KANK4: variants seen among roughly 807,000 people sequenced by gnomAD.
The protein encoded by KANK4 is KN motif and ankyrin repeat domains 4, also known as KN motif and ankyrin repeat domain-containing protein 4.
KANK4 carries 50 observed loss-of-function variants against 80.8 expected under a neutral mutation model. The observed-to-expected ratio is 0.62, with a 90% CI of 0.49 to 0.78. KANK4 has a LOEUF of 0.78. KANK4 is among the 30% of genes least tolerant of loss of function. The pLI is 0.00. For synonymous variants in KANK4, 465 were observed against 506.9 expected, an observed-to-expected ratio of 0.92 and a Z score of 1.11; for missense variants, 1,196 against 1,240.1, an observed-to-expected ratio of 0.96 and a Z score of 0.53.
At chr1:62,312,422 C>G (rs1212633165) in intron 1 of KANK4, among the ~76,000 whole-genome samples, 1 of 152,158 alleles carries the variant, frequency 6.6e-6, no homozygotes, top group Non-Finnish European at 1.5e-5. Context: ...TTTACAGACT[C>G]CTCTGAATTC....
chr1:62,259,972 C>T (rs115135949), intron 7 of KANK4, among the ~76,000 whole-genome samples: 5,811 of 152,098 alleles, frequency 0.038, 134 homozygotes, highest in Middle Eastern at 0.058. Context: ...TTCGCTCAGC[C>T]TCATCATGCA....
chr1:62,274,423 C>T lies in KANK4; in HGVS notation c.681G>A (p.Leu227=), dbSNP rs1672254920. 1 of 1,614,120 alleles carries T rather than the reference C, an allele frequency of 6.2e-7. No homozygotes were observed. The highest frequency in any genetic ancestry group is 8.5e-7 in the Non-Finnish European group (1 of 1,180,052). The stretch of plus-strand genomic sequence containing the variant: ...CTGGAGGCTCAGCTCCCTCCTGGAC[C>T]AGCTCTGGAATCCGAGTTGATGCTC... The part of the protein sequence containing the change: ...SPRASTRIPE[L]VQEGAEPPEG... Residue 227 remains leucine, a synonymous_variant, in exon 3 of 10, where the codon CTG becomes CTA. Coordinates refer to ENST00000371153, the MANE Select transcript of KANK4 (RefSeq NM_181712.5).
At chr1:62,283,454 T>C (rs1354029497) in intron 1 of KANK4, among the ~76,000 whole-genome samples, 1 of 152,162 alleles carries the variant, frequency 6.6e-6, no homozygotes, top group Non-Finnish European at 1.5e-5. Context: ...TGCCCTCAAG[T>C]CTAGCCGACT....
At chr1:62,254,642 C>A (rs1671707685) in intron 7 of KANK4, among the ~76,000 whole-genome samples, 1 of 152,032 alleles carries the variant, frequency 6.6e-6, no homozygotes, top group African/African-American at 2.4e-5. Context: ...CAACCTCCGC[C>A]TCCTGGGTTC....
At chr1:62,295,307 A>G (rs1644354049) in intron 1 of KANK4, among the ~76,000 whole-genome samples, 1 of 152,116 alleles carries the variant, frequency 6.6e-6, no homozygotes, top group African/African-American at 2.4e-5. Context: ...AAGCCCGGCT[A>G]ATTTTTTTGT....
intron 5 of KANK4, 94 bp from the exon 6 acceptor site, chr1:62,266,913 G>T: frequency 1.2e-6 from 1 of 824,096 alleles, no homozygotes; most frequent in Non-Finnish European, 1.9e-6. Flanking sequence ...CATCTCAGCA[G>T]CTCAAAAATC....
rs890016096 is a variant in KANK4, at chr1:62,274,766, C to T, written c.338G>A (p.Gly113Asp). 2.5e-6 allele frequency: 4 copies of T among 1,614,144 alleles called. No homozygotes were observed. The South Asian group carries it at 4.4e-5, about 18-fold the overall frequency. ...TQEQNQSPPL[G>D]NAPQASTSRS... ...GCTTGTTGAGGCCTGGGGGGCATTA[C>T]CAAGCGGTGGTGACTGGTTTTGCTC... Residue 113 changes from glycine (G) to aspartate (D), a missense_variant, in exon 3 of 10, where the codon GGT becomes GAT. Around this residue, in one of 3 missense-constraint regions of KANK4, gnomAD observed 1,154 missense variants for 1,179.6 expected, o/e 0.98. Transcript: ENST00000371153.
rs567649436 is a variant in KANK4 at position 62,274,660 on chromosome 1, G to A, written c.444C>T (p.Ala148=). 13 of 1,614,076 alleles carry A rather than the reference G, an allele frequency of 8.1e-6. No individual in the cohort carries two copies. Among genetic ancestry groups the A allele is most frequent in the East Asian group, 6.7e-5 (3 of 44,896 alleles). ...RQLEAAEPED[A]ELTFGSGRPQ... is the part of the protein sequence containing the mutation. ...GCCGTCCACTCCCAAAAGTGAGCTC[G>A]GCATCCTCTGGCTCAGCAGCTTCCA... The change falls in exon 3 of 10, where the codon GCC becomes GCT. Residue 148 remains alanine (A), a synonymous_variant. Coordinates refer to ENST00000371153, the MANE Select transcript of KANK4 (RefSeq NM_181712.5).
intron 1 of KANK4, among the ~76,000 whole-genome samples, chr1:62,282,845 G>C (rs893296946): frequency 6.6e-6 from 1 of 152,210 alleles, no homozygotes; most frequent in African/African-American, 2.4e-5. Flanking sequence ...AGAAGGATTG[G>C]CACACTGAGT....
intron 2 of KANK4, among the ~76,000 whole-genome samples, chr1:62,278,214 G>C (rs765955048): frequency 3.2e-4 from 49 of 152,020 alleles, no homozygotes; most frequent in Non-Finnish European, 5.6e-4. Flanking sequence ...AGATCAGCTG[G>C]GAGGCTGCTG....
At chr1:62,269,647 C>G (rs1672111683) in intron 4 of KANK4, among the ~76,000 whole-genome samples, 1 of 152,184 alleles carries the variant, frequency 6.6e-6, no homozygotes, top group Non-Finnish European at 1.5e-5. Flanking sequence ...TATTGAGCAC[C>G]TACTATATGC....
intron 6 of KANK4, among the ~76,000 whole-genome samples, chr1:62,265,857 T>C (rs535148202): frequency 1.3e-5 from 2 of 152,350 alleles, no homozygotes; most frequent in East Asian, 3.9e-4. Flanking sequence ...TTTCAGTCTC[T>C]TGACCCAGAG....
rs183173156 is a variant in KANK4 at position 62,299,037 on chromosome 1, T to C, written c.-70-17403A>G. Among the ~76,000 whole-genome samples, 178 of 152,102 alleles carry C rather than the reference T, an allele frequency of 1.2e-3. 1 individual carries two copies. Among genetic ancestry groups the C allele is most frequent in the Non-Finnish European group, 1.9e-3 (130 of 68,018 alleles). ...TAAAAGGCAGAGCTAGGGATGAATT[T>C]AGGTGTTCCTGCCCAAGATTTTTTT... On this transcript the variant is annotated intron_variant, in intron 1 of 9. Transcript: ENST00000371153.
chr1:62,271,594 G>A lies in KANK4; in HGVS notation c.1901-5C>T, dbSNP rs764845619. ...GGCTGGTCGATGGGGAGATCTCTAG[G>A]CAGACACAACATCACAGGTTAGAAT... On this transcript the variant is annotated splice_polypyrimidine_tract_variant and splice_region_variant and intron_variant, in intron 3 of 9. Coordinates refer to ENST00000371153, the MANE Select transcript of KANK4 (RefSeq NM_181712.5). 38 of 1,591,936 alleles carry A rather than the reference G, an allele frequency of 2.4e-5. No homozygotes were observed. Among genetic ancestry groups the A allele is most frequent in the Non-Finnish European group, 3.2e-5 (37 of 1,160,010 alleles).
At chr1:62,294,425 G>A (rs1052951887) in intron 1 of KANK4, among the ~76,000 whole-genome samples, 1 of 152,174 alleles carries the variant, frequency 6.6e-6, no homozygotes, top group African/African-American at 2.4e-5. Flanking sequence ...GCTCCCATCC[G>A]AGCAGCATCA....
chr1:62,308,508 AT>A (rs199513531), intron 1 of KANK4, among the ~76,000 whole-genome samples: 1,841 of 152,134 alleles, frequency 0.012, 21 homozygotes, highest in Middle Eastern at 0.02. Flanking sequence ...CCTGCTCCTG[AT>A]CTCTCTCCTG....
At chr1:62,282,821 G>A (rs1034896078) in intron 1 of KANK4, among the ~76,000 whole-genome samples, 2 of 152,248 alleles carry the variant, frequency 1.3e-5, no homozygotes, top group Admixed American at 1.3e-4. Context: ...TCTAGAAGCA[G>A]AGACAATCCT....
intron 1 of KANK4, among the ~76,000 whole-genome samples, chr1:62,310,403 G>A (rs1340038908): frequency 6.6e-6 from 1 of 152,206 alleles, no homozygotes; most frequent in East Asian, 1.9e-4. Flanking sequence ...TGGAGAGAGA[G>A]GGAGAAAGCA....
chr1:62,302,716 C>A (rs749064432), intron 1 of KANK4, among the ~76,000 whole-genome samples: 3 of 152,078 alleles, frequency 2.0e-5, no homozygotes, highest in Non-Finnish European at 4.4e-5. Flanking sequence ...AATCTGCCAG[C>A]GCTTTGACCC....
Sources: allele counts gnomAD v4.1 joint callset (sites outside exome capture counted in the v4.1 genomes callset), GRCh38; gene constraint gnomAD v4.1.1; regional missense constraint gnomAD v4.1.1; transcripts MANE v1.5; gene names NCBI Gene and HGNC (gene_info 2026-07-23, HGNC 2026-07-21).